PRH1: variants seen among roughly 807,000 people sequenced by gnomAD.
The protein encoded by PRH1 is salivary acidic proline-rich phosphoprotein 1/2.
In PRH1, 7 loss-of-function variants were observed where a neutral mutation model predicts 7.9. The ratio of observed to expected loss-of-function variants is 0.89; its 90% CI spans 0.50 to 1.67. The LOEUF is 1.67. Among genes scored for constraint, PRH1 ranks in the 40% most tolerant of loss-of-function variants. The pLI is 0.00. For synonymous variants in PRH1, 45 were observed against 80.8 expected, an observed-to-expected ratio of 0.56 and a Z score of 2.38; for missense variants, 109 against 223.6, an observed-to-expected ratio of 0.49 and a Z score of 3.27.
At chr12:11,041,232 A>C (rs992470842) in intron 1 of PRH1, among the ~76,000 whole-genome samples, 1 of 150,892 alleles carries the variant, frequency 6.6e-6, no homozygotes, top group African/African-American at 2.4e-5. Context: ...GCCTATAAAG[A>C]CATGCACAGA....
intron 1 of PRH1, chr12:11,091,556 A>T: frequency 7.0e-7 from 1 of 1,435,984 alleles, no homozygotes; most frequent in Non-Finnish European, 9.7e-7. Context: ...CAAAGCTTTT[A>T]TGTGGACCTT....
chr12:10,895,442 A>G (rs966095287), intron 2 of PRH1: 1 of 152,210 alleles, frequency 6.6e-6, no homozygotes, highest in Non-Finnish European at 1.5e-5. Context: ...TATTTCCTTC[A>G]GAATGGAAGT....
intron 1 of PRH1, among the ~76,000 whole-genome samples, chr12:11,113,021 C>A (rs993764272): frequency 2.0e-5 from 3 of 152,006 alleles, no homozygotes; most frequent in Admixed American, 1.3e-4. Context: ...AACAGAGAGC[C>A]AAATCATGAG....
chr12:11,146,504 C>A (rs763260124), intron 1 of PRH1, among the ~76,000 whole-genome samples: 1 of 151,990 alleles, frequency 6.6e-6, no homozygotes, highest in Non-Finnish European at 1.5e-5. Flanking sequence ...TTTCTGTATT[C>A]ATTATCAAAT....
chr12:10,910,720 A>G (rs183618008), intron 2 of PRH1, among the ~76,000 whole-genome samples: 1 of 152,200 alleles, frequency 6.6e-6, no homozygotes, highest in Non-Finnish European at 1.5e-5. Context: ...GAGACTCAAG[A>G]AAGATTGTCT....
At chr12:10,965,831 C>A (rs775160231) in intron 2 of PRH1, among the ~76,000 whole-genome samples, 22 of 152,190 alleles carry the variant, frequency 1.4e-4, no homozygotes, top group Non-Finnish European at 2.8e-4. Flanking sequence ...TAACTAGGAT[C>A]ATCACCATGA....
At chr12:10,997,808 G>A in intron 1 of PRH1, 1 of 1,613,096 alleles carries the variant, frequency 6.2e-7, no homozygotes, top group Non-Finnish European at 8.5e-7. Flanking sequence ...AAAGCCATTG[G>A]CAAAATTTCC....
At chr12:11,101,604 T>A (rs556643058) in intron 1 of PRH1, among the ~76,000 whole-genome samples, 13 of 152,348 alleles carry the variant, frequency 8.5e-5, no homozygotes, top group Admixed American at 6.5e-4. Flanking sequence ...ATATGCTGCA[T>A]CACCCTAATT....
At chr12:10,992,217 T>G (rs1939967270) in intron 1 of PRH1, among the ~76,000 whole-genome samples, 1 of 152,154 alleles carries the variant, frequency 6.6e-6, no homozygotes, top group African/African-American at 2.4e-5. Flanking sequence ...AAATATTCAC[T>G]TGACCCTTTC....
chr12:11,133,790 G>C (rs879168306), intron 1 of PRH1: 6 of 1,584,390 alleles, frequency 3.8e-6, no homozygotes. Flanking sequence ...TGTCCATACA[G>C]TCTCATCCAT....
intron 2 of PRH1, among the ~76,000 whole-genome samples, chr12:10,923,927 CTT>C (rs1251945175): frequency 2.0e-5 from 3 of 147,936 alleles, no homozygotes; most frequent in Non-Finnish European, 4.5e-5. Context: ...TTATCACTCT[CTT>C]TTCACTCTTT....
chr12:10,986,322 G>C, intron 1 of PRH1: 1 of 1,613,986 alleles, frequency 6.2e-7, no homozygotes. Context: ...CCATAGGGTA[G>C]TTACAGTCAA....
At chr12:11,105,838 C>G (rs1945393126) in intron 1 of PRH1, among the ~76,000 whole-genome samples, 1 of 151,986 alleles carries the variant, frequency 6.6e-6, no homozygotes, top group African/African-American at 2.4e-5. Context: ...TGAATCCAAA[C>G]TTTTCCTACC....
At chr12:10,899,248 T>C (rs1203904873) in intron 2 of PRH1, among the ~76,000 whole-genome samples, 4 of 151,300 alleles carry the variant, frequency 2.6e-5, no homozygotes, top group African/African-American at 7.3e-5. Flanking sequence ...GTGTTAAGAA[T>C]TGGGGGACTA....
At chr12:10,955,119 A>C (rs1025813934) in intron 2 of PRH1, among the ~76,000 whole-genome samples, 1 of 152,186 alleles carries the variant, frequency 6.6e-6, no homozygotes, top group Non-Finnish European at 1.5e-5. Flanking sequence ...CCCCAAAACA[A>C]CAGAATACAC....
intron 2 of PRH1, among the ~76,000 whole-genome samples, chr12:10,934,659 A>G (rs1476495562): frequency 6.6e-6 from 1 of 152,094 alleles, no homozygotes; most frequent in Non-Finnish European, 1.5e-5. Context: ...AGTAGAAAGC[A>G]CTAAGGTGTA....
In PRH1 at chr12:10,928,127, G is replaced by A. The variant is rs376602092; in HGVS notation, c.-58-43852C>T. Among the ~76,000 whole-genome samples the A allele has an allele frequency of 1.8e-3, 278 of 152,274 alleles. 6 individuals carry two copies. The South Asian group carries it at 0.055, about 30-fold the overall frequency. ...GAAGAAAATTACAAACGACAAGGTA[G>A]TCTCAGCATATAAAATATCAACAAA... On this transcript the variant is annotated intron_variant, in intron 2 of 3. Coordinates refer to the PRH1 transcript ENST00000539853.
Position 11,076,860 on chromosome 12 carries a change from T to TA in PRH1, n.124-29673dup, listed in dbSNP as rs1488407177. The TA allele has an allele frequency of 1.4e-4, 16 of 114,998 alleles. 5 individuals carry two copies. The highest frequency in any genetic ancestry group is 4.6e-4 in the African/African-American group (16 of 34,516). 7.1% of individuals were successfully genotyped at this position (114,998 alleles called of 1,614,324 possible). On this transcript the variant is annotated intron_variant and non_coding_transcript_variant, in intron 1 of 4. Transcript: ENST00000541977. ...CGTAAAATAAGAATTCCTAATGAAA[T>TA]AAAACCTACCCCAAAGATACATTCT...
intron 2 of PRH1, chr12:10,892,056 T>C (rs1949581125): frequency 6.6e-6 from 1 of 152,138 alleles, no homozygotes; most frequent in East Asian, 1.9e-4. Context: ...TGAACGAGAC[T>C]CCTAGGGCAC....
Sources: gnomAD v4.1 joint callset for allele counts (sites outside exome capture counted in the v4.1 genomes callset) on GRCh38, gnomAD v4.1.1 for gene constraint, MANE v1.5 for transcripts, NCBI Gene and HGNC (gene_info 2026-07-23, HGNC 2026-07-21) for gene names.